Variants in NFIB observed in about 807,000 individuals in gnomAD.
The protein encoded by NFIB is nuclear factor I B, also known as nuclear factor 1 B-type.
NFIB carries 11 observed loss-of-function variants against 61.5 expected under a neutral mutation model. The ratio of observed to expected loss-of-function variants is 0.18; its 90% CI spans 0.11 to 0.30. NFIB has a LOEUF of 0.30. Ranked by LOEUF, NFIB falls within the 10% of genes least tolerant of loss-of-function variation. The probability of loss-of-function intolerance (pLI) is 1.00; values close to 1 mark genes in which losing one functional copy is unlikely to be tolerated. For synonymous variants in NFIB, 260 were observed against 216.5 expected, an observed-to-expected ratio of 1.20 and a Z score of -1.76; for missense variants, 471 against 608.9, an observed-to-expected ratio of 0.77 and a Z score of 2.38.
intron 2 of NFIB, among the ~76,000 whole-genome samples, chr9:14,198,373 T>C (rs2048675919): frequency 2.0e-5 from 3 of 152,140 alleles, no homozygotes; most frequent in Admixed American, 2.0e-4. Flanking sequence ...GAACAATTAC[T>C]TGGATAAAGT....
the NFIB span, among the ~76,000 whole-genome samples, chr9:14,501,782 G>A: frequency 1.1e-4 from 16 of 152,194 alleles, no homozygotes; most frequent in Admixed American, 1.0e-3. Flanking sequence ...ACTACGCCCA[G>A]ATGACAATAG....
intron 2 of NFIB, among the ~76,000 whole-genome samples, chr9:14,194,205 G>A (rs2048247322): frequency 1.3e-5 from 2 of 152,136 alleles, no homozygotes; most frequent in South Asian, 2.1e-4. Context: ...ATGGGTTGGA[G>A]TCTAAATAGA....
chr9:14,092,584 G>C (rs1170135827), intron 10 of NFIB, among the ~76,000 whole-genome samples: 1 of 152,014 alleles, frequency 6.6e-6, no homozygotes, highest in African/African-American at 2.4e-5. Flanking sequence ...TGAACAGAGT[G>C]GTCTGAAGGC....
chr9:14,513,567 G>T, the NFIB span, among the ~76,000 whole-genome samples: 4 of 149,114 alleles, frequency 2.7e-5, no homozygotes, highest in East Asian at 7.9e-4. Context: ...GCCGGAGGGT[G>T]CAGTGAGCCG....
chr9:14,091,413 ACT>A (rs1217290110), intron 10 of NFIB, among the ~76,000 whole-genome samples: 1 of 152,004 alleles, frequency 6.6e-6, no homozygotes, highest in Non-Finnish European at 1.5e-5. Flanking sequence ...TATACATCTA[ACT>A]CTATATAAAA....
At chr9:14,406,377 C>A in the NFIB span, among the ~76,000 whole-genome samples, 2 of 152,170 alleles carry the variant, frequency 1.3e-5, no homozygotes, top group Non-Finnish European at 2.9e-5. Flanking sequence ...GGGGAGGAGG[C>A]AGTAGGTAAT....
the NFIB span, among the ~76,000 whole-genome samples, chr9:14,405,630 C>G: frequency 1.3e-5 from 2 of 152,092 alleles, no homozygotes; most frequent in African/African-American, 4.8e-5. Context: ...AATGGATGAA[C>G]TCAGGCAAGG....
At position 14,084,952 on chromosome 9, in the gene NFIB, G is replaced by C. The variant is rs1212092702; in HGVS notation, c.*3357C>G. The C allele has an allele frequency of 4.3e-6, 1 of 230,426 alleles. No homozygotes were observed. The highest frequency in any genetic ancestry group is 8.6e-6 in the Non-Finnish European group (1 of 116,136). The allele number at this position is 230,426 out of a possible 1,614,324, so 14.3% of individuals were successfully genotyped here. A position where few individuals can be genotyped will look rare whatever the true frequency, so the allele number is the denominator to read the frequency against. ...CCACAGTGTGTAACTTGGTTAGCTAGAACTGCTCACTGGCAAAAAAGAGAG... is the reference window on the plus strand; with the variant it reads ...CCACAGTGTGTAACTTGGTTAGCTACAACTGCTCACTGGCAAAAAAGAGAG... On this transcript the variant is annotated 3_prime_UTR_variant, in exon 11 of 11. Transcript: ENST00000380953.
intron 10 of NFIB, among the ~76,000 whole-genome samples, chr9:14,091,824 A>G (rs962028080): frequency 6.6e-6 from 1 of 152,104 alleles, no homozygotes; most frequent in Admixed American, 6.6e-5. Context: ...AAAAAACACA[A>G]AAGAATTTGA....
chr9:14,526,113 T>C, the NFIB span, among the ~76,000 whole-genome samples: 9 of 152,208 alleles, frequency 5.9e-5, 1 homozygote, highest in African/African-American at 2.2e-4. Flanking sequence ...CAAATCTACA[T>C]TTCCCAGGAT....
chr9:14,515,727 C>CG, the NFIB span, among the ~76,000 whole-genome samples: 2 of 152,082 alleles, frequency 1.3e-5, no homozygotes, highest in Non-Finnish European at 2.9e-5. Flanking sequence ...CGGGGCCATG[C>CG]GAAAATGCAG....
chr9:14,317,201 A>G (rs2060564026), upstream of NFIB: 2 of 152,248 alleles, frequency 1.3e-5, no homozygotes, highest in Admixed American at 6.5e-5. Context: ...AACAGAAACC[A>G]TTTCCTTCTG....
chr9:14,508,574 T>G, the NFIB span, among the ~76,000 whole-genome samples: 1 of 152,242 alleles, frequency 6.6e-6, no homozygotes, highest in Non-Finnish European at 1.5e-5. Flanking sequence ...GGAACCACTG[T>G]GTCTTGTGTC....
chr9:14,449,952 T>A, the NFIB span, among the ~76,000 whole-genome samples: 1 of 151,872 alleles, frequency 6.6e-6, no homozygotes, highest in South Asian at 2.1e-4. Context: ...AATAAATAAA[T>A]AAATAAATAA....
chr9:14,525,150 G>C, the NFIB span, among the ~76,000 whole-genome samples: 2 of 152,164 alleles, frequency 1.3e-5, no homozygotes, highest in African/African-American at 4.8e-5. Flanking sequence ...CACAGCTCTG[G>C]AGCGAGTGTC....
intron 1 of NFIB, among the ~76,000 whole-genome samples, chr9:14,368,894 C>T (rs898103940): frequency 6.6e-6 from 1 of 152,096 alleles, no homozygotes; most frequent in Non-Finnish European, 1.5e-5. Context: ...GCTCAGTTTT[C>T]CCAACTATAT....
chr9:14,124,393 T>C (rs763067861), intron 7 of NFIB, among the ~76,000 whole-genome samples: 4 of 152,190 alleles, frequency 2.6e-5, no homozygotes, highest in Non-Finnish European at 4.4e-5. Flanking sequence ...TTAAGTTGTA[T>C]AGTCCTCTCT....
chr9:14,305,236 C>T (rs531635974), intron 2 of NFIB, among the ~76,000 whole-genome samples: 14 of 152,112 alleles, frequency 9.2e-5, no homozygotes, highest in Non-Finnish European at 1.8e-4. Flanking sequence ...TGCATGCAGG[C>T]AGGCACACCT....
chr9:14,127,894 C>A (rs2039878169), intron 6 of NFIB, among the ~76,000 whole-genome samples: 1 of 138,264 alleles, frequency 7.2e-6, no homozygotes. Context: ...TCTATCAGAA[C>A]TTTGATGAGT....
Sources: allele counts gnomAD v4.1 joint callset (sites outside exome capture counted in the v4.1 genomes callset), GRCh38; gene constraint gnomAD v4.1.1; transcripts MANE v1.5; gene names NCBI Gene and HGNC (gene_info 2026-07-23, HGNC 2026-07-21).